OSBPL10: variants seen among roughly 807,000 people sequenced by gnomAD.
OSBPL10 encodes the protein oxysterol binding protein like 10.
In OSBPL10, 49 loss-of-function variants were observed where a neutral mutation model predicts 81.7. That is an observed-to-expected ratio of 0.60 (90% CI 0.48 to 0.76). The LOEUF is 0.76. Ranked by LOEUF, OSBPL10 falls within the 30% of genes least tolerant of loss-of-function variation. The pLI is 0.00. For synonymous variants in OSBPL10, 419 were observed against 383.6 expected, an observed-to-expected ratio of 1.09 and a Z score of -1.08; for missense variants, 923 against 987.8, an observed-to-expected ratio of 0.93 and a Z score of 0.88.
chr3:31,910,220 C>G (rs979476672), intron 1 of OSBPL10, among the ~76,000 whole-genome samples: 1 of 150,450 alleles, frequency 6.6e-6, no homozygotes, highest in South Asian at 2.2e-4. Context: ...ACCTTGTGAT[C>G]TGCCCGCCTC....
intron 1 of OSBPL10, among the ~76,000 whole-genome samples, chr3:31,882,595 T>TCA (rs773791728): frequency 1.3e-5 from 2 of 152,222 alleles, no homozygotes; most frequent in South Asian, 4.1e-4. Context: ...AACACATTTC[T>TCA]CAGCCTTCCC....
intron 3 of OSBPL10, among the ~76,000 whole-genome samples, chr3:31,874,625 A>C (rs1263568488): frequency 1.3e-5 from 2 of 152,202 alleles, no homozygotes; most frequent in East Asian, 3.8e-4. Context: ...ACTTGGCCCC[A>C]GTCATGATTT....
At chr3:31,753,810 T>C (rs558876057) in intron 4 of OSBPL10, among the ~76,000 whole-genome samples, 3 of 152,316 alleles carry the variant, frequency 2.0e-5, no homozygotes, top group East Asian at 1.9e-4. Context: ...CCACATTGTA[T>C]ACCAAACTTC....
At chr3:31,818,229 G>A (rs576538314) in intron 4 of OSBPL10, among the ~76,000 whole-genome samples, 1 of 152,056 alleles carries the variant, frequency 6.6e-6, no homozygotes, top group Non-Finnish European at 1.5e-5. Context: ...TGGGTGGGCC[G>A]CTCCAGTCCA....
chr3:31,753,471 C>T (rs57948581), intron 4 of OSBPL10, among the ~76,000 whole-genome samples: 47,549 of 152,050 alleles, frequency 0.31, 8,946 homozygotes, highest in East Asian at 0.64. Context: ...AAGTGTTACC[C>T]ACCATGCCCG....
At chr3:31,970,738 G>C (rs1436621139) in intron 1 of OSBPL10, among the ~76,000 whole-genome samples, 1 of 152,240 alleles carries the variant, frequency 6.6e-6, no homozygotes, top group Non-Finnish European at 1.5e-5. Flanking sequence ...CGTTCCCCTT[G>C]TGGTAACACA....
At chr3:32,053,271 G>T (rs1199188275) in intron 1 of OSBPL10, among the ~76,000 whole-genome samples, 2 of 152,226 alleles carry the variant, frequency 1.3e-5, no homozygotes, top group Non-Finnish European at 2.9e-5. Flanking sequence ...AAGAAGGCAT[G>T]GGAATGTGGA....
chr3:31,808,068 C>T (rs1699567039), intron 4 of OSBPL10, among the ~76,000 whole-genome samples: 1 of 152,142 alleles, frequency 6.6e-6, no homozygotes, highest in Admixed American at 6.5e-5. Flanking sequence ...TGTAACTGAG[C>T]AGCTAGCTAC....
At chr3:32,047,607 C>T (rs986745544) in intron 1 of OSBPL10, among the ~76,000 whole-genome samples, 1 of 151,790 alleles carries the variant, frequency 6.6e-6, no homozygotes, top group African/African-American at 2.4e-5. Context: ...TCACTTTTGT[C>T]GCCATCTTGG....
chr3:31,980,737 G>T (rs1240492233), intron 1 of OSBPL10, among the ~76,000 whole-genome samples, 162 bp downstream of exon 1: 1 of 152,222 alleles, frequency 6.6e-6, no homozygotes, highest in Admixed American at 6.5e-5. Flanking sequence ...CACCTGGAGG[G>T]GAGCAGGGAC....
At chr3:31,991,010 A>T in intron 2 of OSBPL10, 1 of 1,528,838 alleles carries the variant, frequency 6.5e-7, no homozygotes, top group Non-Finnish European at 8.8e-7. Flanking sequence ...CAGAAAATTC[A>T]TTCCTGAGAT....
Position 31,866,518 on chromosome 3 carries a change from C to G in OSBPL10, c.537+9915G>C, listed in dbSNP as rs76443328. Among the ~76,000 whole-genome samples the G allele has an allele frequency of 1.6e-3, 251 of 152,288 alleles. 2 individuals are homozygous for G. In the East Asian group the frequency reaches 0.022, roughly 13 times the overall value. On this transcript the variant is annotated intron_variant, in intron 3 of 11. Coordinates refer to ENST00000396556, the MANE Select transcript of OSBPL10 (RefSeq NM_017784.5). ...AACCAGTGTCAGCCAGGGTGCCAAGCCAGCCCATTTCTCTACGGCCTCCTT... is the reference window on the plus strand; with the variant it reads ...AACCAGTGTCAGCCAGGGTGCCAAGGCAGCCCATTTCTCTACGGCCTCCTT...
chr3:31,791,682 C>G (rs561749189), intron 4 of OSBPL10, among the ~76,000 whole-genome samples: 1 of 151,112 alleles, frequency 6.6e-6, no homozygotes, highest in African/African-American at 2.4e-5. Flanking sequence ...AAGCTGTGTA[C>G]GGCCAAAGTA....
chr3:31,845,184 C>T (rs1419824927), intron 3 of OSBPL10, among the ~76,000 whole-genome samples: 1 of 152,142 alleles, frequency 6.6e-6, no homozygotes, highest in African/African-American at 2.4e-5. Context: ...CAACCCTCCA[C>T]CGGCAATTCT....
chr3:31,750,594 T>G (rs1390099235), intron 4 of OSBPL10, among the ~76,000 whole-genome samples: 2 of 152,226 alleles, frequency 1.3e-5, no homozygotes, highest in Non-Finnish European at 2.9e-5. Context: ...CTGACATTTG[T>G]ATGTATAAAT....
chr3:31,744,027 T>C (rs1363565613), intron 5 of OSBPL10, among the ~76,000 whole-genome samples: 1 of 152,334 alleles, frequency 6.6e-6, no homozygotes, highest in South Asian at 2.1e-4. Context: ...TGCAGCCAAC[T>C]ATGATGCTTT....
chr3:31,728,952 T>C (rs924532636), intron 6 of OSBPL10, among the ~76,000 whole-genome samples: 1 of 152,152 alleles, frequency 6.6e-6, no homozygotes, highest in African/African-American at 2.4e-5. Flanking sequence ...TTCCTTTGAG[T>C]GTCATGTCGG....
chr3:31,959,760 C>G (rs1445823199), intron 1 of OSBPL10, among the ~76,000 whole-genome samples: 1 of 152,188 alleles, frequency 6.6e-6, no homozygotes, highest in Non-Finnish European at 1.5e-5. Context: ...TAAATGTCAT[C>G]TATTTGAGGC....
intron 6 of OSBPL10, among the ~76,000 whole-genome samples, chr3:31,708,461 C>T (rs964051384): frequency 1.3e-5 from 2 of 152,214 alleles, no homozygotes; most frequent in African/African-American, 4.8e-5. Flanking sequence ...GACATAGCCA[C>T]ATCTGAAGAT....
Sources: gnomAD v4.1 joint callset for allele counts (sites outside exome capture counted in the v4.1 genomes callset) on GRCh38, gnomAD v4.1.1 for gene constraint, MANE v1.5 for transcripts, NCBI Gene and HGNC (gene_info 2026-07-23, HGNC 2026-07-21) for gene names.